Variants in SKAP2 observed in about 807,000 individuals in gnomAD.
The protein encoded by SKAP2 is src kinase-associated phosphoprotein 2.
A neutral mutation model predicts 54.9 loss-of-function variants in SKAP2; 28 were observed. That is an observed-to-expected ratio of 0.51 (90% CI 0.38 to 0.70). The LOEUF (loss-of-function observed/expected upper bound fraction) is 0.70. SKAP2 is among the 30% of genes least tolerant of loss of function. SKAP2 has a pLI of 0.00. For synonymous variants in SKAP2, 137 were observed against 134.3 expected, an observed-to-expected ratio of 1.02 and a Z score of -0.14; for missense variants, 356 against 424.1, an observed-to-expected ratio of 0.84 and a Z score of 1.41.
At chr7:26,830,111 T>C (rs1189106542) in intron 4 of SKAP2, among the ~76,000 whole-genome samples, 1 of 152,110 alleles carries the variant, frequency 6.6e-6, no homozygotes, top group Non-Finnish European at 1.5e-5. Context: ...GAAAACATTA[T>C]GCTAAGTAAA....
At chr7:26,688,797 A>C (rs922491333) in intron 10 of SKAP2, among the ~76,000 whole-genome samples, 11 of 152,196 alleles carry the variant, frequency 7.2e-5, no homozygotes, top group Non-Finnish European at 1.3e-4. Flanking sequence ...TTTAAGCCAA[A>C]ATATTTGTAT....
At chr7:26,843,396 T>C (rs1297595036) in intron 4 of SKAP2, among the ~76,000 whole-genome samples, 1 of 152,044 alleles carries the variant, frequency 6.6e-6, no homozygotes, top group Non-Finnish European at 1.5e-5. Context: ...AAGTACATAC[T>C]ACACTAAAAA....
At chr7:26,675,223 C>A (rs150242278) in intron 11 of SKAP2, among the ~76,000 whole-genome samples, 167 of 152,260 alleles carry the variant, frequency 1.1e-3, no homozygotes, top group African/African-American at 3.9e-3. Context: ...TAGCTTGTTC[C>A]CACCCTGCTG....
Position 26,690,374 on chromosome 7 carries a change from C to A in SKAP2, c.797-12G>T, listed in dbSNP as rs1562576670. ...GTCCTCTTCTTCTTCTGTAAATAAA[C>A]ATTATCAATGGCACATTGAAGGGTT... On this transcript the variant is annotated splice_polypyrimidine_tract_variant and intron_variant, in intron 9 of 12. Coordinates refer to ENST00000345317, the MANE Select transcript of SKAP2 (RefSeq NM_003930.5). The A allele has an allele frequency of 1.9e-6, 3 of 1,575,848 alleles. No homozygotes were observed. The South Asian group carries it at 3.3e-5, about 17-fold the overall frequency.
intron 4 of SKAP2, among the ~76,000 whole-genome samples, chr7:26,751,315 T>C (rs1171103157): frequency 2.0e-5 from 3 of 151,906 alleles, no homozygotes; most frequent in African/African-American, 7.2e-5. Context: ...TTGAAAACTA[T>C]CAGACATGAA....
intron 4 of SKAP2, among the ~76,000 whole-genome samples, chr7:26,759,493 CAATG>C (rs1458286535): frequency 6.6e-6 from 1 of 152,132 alleles, no homozygotes; most frequent in Non-Finnish European, 1.5e-5. Context: ...CAGCCTCTTA[CAATG>C]CTAGCTATGG....
At chr7:26,746,697 T>C (rs1300609299) in intron 4 of SKAP2, 1 of 142,928 alleles carries the variant, frequency 7.0e-6, no homozygotes, top group Non-Finnish European at 1.5e-5. Flanking sequence ...CTGAAAAAAA[T>C]AGGTTCAATC....
intron 9 of SKAP2, among the ~76,000 whole-genome samples, chr7:26,718,500 A>ATTTAT (rs923686887): frequency 3.8e-4 from 57 of 151,528 alleles, no homozygotes; most frequent in African/African-American, 8.9e-4. Flanking sequence ...TTTTATTTTA[A>ATTTAT]TTTATTTTAT....
chr7:26,670,279 T>C lies in SKAP2; in HGVS notation c.988-87A>G, dbSNP rs377579388. On this transcript the variant is annotated intron_variant, in intron 11 of 12. Coordinates refer to ENST00000345317, the MANE Select transcript of SKAP2 (RefSeq NM_003930.5). ...TGCAACTTCTTAGAAATGTTATTTC[T>C]ATTTATAAAGTTAAAAGAGCTTGAG... The C allele has an allele frequency of 4.3e-6, 3 of 690,468 alleles. No individual in the cohort carries two copies. The East Asian group carries it at 7.9e-5, about 18-fold the overall frequency. 42.8% of individuals were successfully genotyped at this position (690,468 alleles called of 1,614,324 possible).
At chr7:26,768,937 G>T (rs1263697264) in intron 4 of SKAP2, among the ~76,000 whole-genome samples, 1 of 152,114 alleles carries the variant, frequency 6.6e-6, no homozygotes, top group East Asian at 1.9e-4. Context: ...ATGGGTCTTG[G>T]GGTTGCTCTT....
At chr7:26,670,247 G>A (rs1237428862) in intron 11 of SKAP2, 55 bp from the exon 12 acceptor site, 14 of 792,412 alleles carry the variant, frequency 1.8e-5, no homozygotes, top group Admixed American at 5.5e-5. Context: ...GTACAATGTC[G>A]TTTGTATGCA....
At chr7:26,775,322 T>TTTTCTC (rs1783280855) in intron 4 of SKAP2, among the ~76,000 whole-genome samples, 1 of 152,138 alleles carries the variant, frequency 6.6e-6, no homozygotes, top group East Asian at 1.9e-4. Context: ...TCCCCTTCAC[T>TTTTCTC]ACCTGACTTT....
At chr7:26,764,674 C>T (rs1783007545) in intron 4 of SKAP2, among the ~76,000 whole-genome samples, 1 of 151,754 alleles carries the variant, frequency 6.6e-6, no homozygotes, top group African/African-American at 2.4e-5. Context: ...ATCCATGTGC[C>T]ATGGTGATTT....
chr7:26,783,831 T>A (rs1214472504), intron 4 of SKAP2, among the ~76,000 whole-genome samples: 1 of 152,048 alleles, frequency 6.6e-6, no homozygotes, highest in East Asian at 1.9e-4. Context: ...TTAGGAGATA[T>A]ACCTAACGCT....
chr7:26,746,416 G>A (rs1782561240), intron 4 of SKAP2, among the ~76,000 whole-genome samples: 1 of 152,052 alleles, frequency 6.6e-6, no homozygotes, highest in South Asian at 2.1e-4. Context: ...TAGCATATCT[G>A]CAAAGTAAAC....
chr7:26,764,581 C>A (rs962311440), intron 4 of SKAP2, among the ~76,000 whole-genome samples: 3 of 150,698 alleles, frequency 2.0e-5, no homozygotes, highest in Non-Finnish European at 3.0e-5. Context: ...TTCTTTTTTT[C>A]TTTTATCTTT....
At chr7:26,713,761 A>G (rs915176653) in intron 9 of SKAP2, among the ~76,000 whole-genome samples, 1 of 151,810 alleles carries the variant, frequency 6.6e-6, no homozygotes, top group South Asian at 2.1e-4. Context: ...CACCACGCCC[A>G]GCTCATTTTT....
chr7:26,726,430 T>C (rs996924197), intron 7 of SKAP2, among the ~76,000 whole-genome samples: 4 of 152,166 alleles, frequency 2.6e-5, no homozygotes, highest in Admixed American at 1.3e-4. Context: ...ACATTCCATA[T>C]TGATGCCTAG....
At chr7:26,684,440 C>A (rs1436058332) in intron 11 of SKAP2, among the ~76,000 whole-genome samples, 1 of 152,102 alleles carries the variant, frequency 6.6e-6, no homozygotes, top group African/African-American at 2.4e-5. Flanking sequence ...TAATACCTTA[C>A]AATGTTAACT....
Sources: allele counts gnomAD v4.1 joint callset (sites outside exome capture counted in the v4.1 genomes callset), GRCh38; gene constraint gnomAD v4.1.1; transcripts MANE v1.5; gene names NCBI Gene and HGNC (gene_info 2026-07-23, HGNC 2026-07-21).